The following FOXP1 variants were observed in gnomAD, a reference collection of about 807,000 sequenced individuals.
The protein encoded by FOXP1 is forkhead box P1.
In FOXP1, 15 loss-of-function variants were observed where a neutral mutation model predicts 98.2. The ratio of observed to expected loss-of-function variants is 0.15; its 90% CI spans 0.10 to 0.24. The LOEUF is 0.24. Among genes scored for constraint, FOXP1 ranks in the 10% least tolerant of loss-of-function variants. FOXP1 has a pLI of 1.00. For synonymous variants in FOXP1, 371 were observed against 314.5 expected (o/e 1.18, Z -1.90); for missense variants, 633 against 848.5 (o/e 0.75, Z 3.15).
chr3:71,098,844 A>G (rs1239395431), intron 7 of FOXP1, among the ~76,000 whole-genome samples: 1 of 152,238 alleles, frequency 6.6e-6, no homozygotes, highest in Non-Finnish European at 1.5e-5. Context: ...TTAGAAGACC[A>G]TGACCCTTAT....
At chr3:71,029,038 C>T (rs996467178) in intron 11 of FOXP1, among the ~76,000 whole-genome samples, 56 of 152,190 alleles carry the variant, frequency 3.7e-4, no homozygotes, top group African/African-American at 1.2e-3. Flanking sequence ...CACCTCCTGC[C>T]GTGTGCCCTA....
chr3:71,460,384 C>T lies in FOXP1; in HGVS notation c.-168+33042G>A, dbSNP rs140114194. On this transcript the variant is annotated intron_variant, in intron 3 of 20. Transcript: ENST00000649528. ...CCTCTCGAGTAGCTGGTGACACAGC[C>T]ACCTACCACCATGCCCCGCTAATTT... is the stretch of plus-strand genomic sequence containing the variant. Among the ~76,000 whole-genome samples, 964 of 151,858 alleles carry T rather than the reference C, an allele frequency of 6.3e-3. 10 individuals are homozygous for T. The highest frequency in any genetic ancestry group is 0.022 in the African/African-American group (921 of 41,410).
chr3:71,219,896 A>G (rs1576439039), intron 5 of FOXP1, among the ~76,000 whole-genome samples: 1 of 151,654 alleles, frequency 6.6e-6, no homozygotes, highest in Non-Finnish European at 1.5e-5. Flanking sequence ...CACCCTATCT[A>G]TCTACACTGT....
intron 17 of FOXP1, among the ~76,000 whole-genome samples, chr3:70,975,648 G>C (rs1052432529): frequency 6.6e-6 from 1 of 152,202 alleles, no homozygotes; most frequent in Non-Finnish European, 1.5e-5. Context: ...TTAATGGCAT[G>C]TAAAAATAGC....
chr3:70,977,151 GA>G lies in FOXP1; in HGVS notation c.1429-110del, dbSNP rs1559617442. ...ACTGTGATTCAGAGCTAAATCCTGA[GA>G]AAGGTTTTACAAAATGATCTAAGAT... is the stretch of plus-strand genomic sequence containing the variant. On this transcript the variant is annotated intron_variant, in intron 16 of 20. Transcript: ENST00000649528. 3.3e-5 allele frequency: 26 copies of G among 785,078 alleles called. 1 individual carries two copies. The highest frequency in any genetic ancestry group is 1.0e-4 in the East Asian group (4 of 39,994). The allele number at this position is 785,078 out of a possible 1,614,324, so 48.6% of individuals were successfully genotyped here. A position where few individuals can be genotyped will look rare whatever the true frequency, so the allele number is the denominator to read the frequency against.
rs1309563503 is a variant in FOXP1 at position 70,957,027 on chromosome 3, T to G, written c.*2220A>C. On this transcript the variant is annotated 3_prime_UTR_variant, in exon 21 of 21. Coordinates refer to ENST00000649528, the MANE Select transcript of FOXP1 (RefSeq NM_001349338.3). ...GCACAGTTCTTAAACAAAAGTGGCA[T>G]ACAATCTAAAAATATCTCTTTTTCT... The G allele has an allele frequency of 4.5e-6, 1 of 222,318 alleles. No individual in the cohort carries two copies. Among genetic ancestry groups the G allele is most frequent in the East Asian group, 6.6e-5 (1 of 15,086 alleles). The allele number at this position is 222,318 out of a possible 1,614,324, so 13.8% of individuals were successfully genotyped here.
chr3:71,354,334 T>C (rs950534451), intron 4 of FOXP1, among the ~76,000 whole-genome samples: 8 of 151,730 alleles, frequency 5.3e-5, no homozygotes, highest in African/African-American at 1.7e-4. Context: ...ATGCCCTCTA[T>C]TGCAAGGCAG....
intron 2 of FOXP1, among the ~76,000 whole-genome samples, chr3:71,506,659 A>G (rs2041845721): frequency 6.6e-6 from 1 of 152,068 alleles, no homozygotes; most frequent in South Asian, 2.1e-4. Flanking sequence ...GAAGCTGAAC[A>G]ACTGGGGGAA....
At chr3:71,218,027 C>T (rs1185350317) in intron 5 of FOXP1, among the ~76,000 whole-genome samples, 1 of 152,178 alleles carries the variant, frequency 6.6e-6, no homozygotes, top group Non-Finnish European at 1.5e-5. Flanking sequence ...TCGCTTCTGC[C>T]TCACCTCTTT....
intron 3 of FOXP1, among the ~76,000 whole-genome samples, chr3:71,436,293 G>A (rs532395388): frequency 3.3e-5 from 5 of 152,104 alleles, no homozygotes; most frequent in African/African-American, 4.8e-5. Flanking sequence ...ACATTACTAC[G>A]CTAAAACCTG....
intron 2 of FOXP1, among the ~76,000 whole-genome samples, chr3:71,560,224 A>G (rs2046433611): frequency 6.6e-6 from 1 of 152,208 alleles, no homozygotes; most frequent in African/African-American, 2.4e-5. Flanking sequence ...CATTATTGTC[A>G]CCACCACTGT....
chr3:71,059,844 G>C (rs909836140), intron 7 of FOXP1, among the ~76,000 whole-genome samples: 2 of 152,060 alleles, frequency 1.3e-5, no homozygotes, highest in African/African-American at 4.8e-5. Context: ...AAGAGGCCTT[G>C]GCTAAATAAG....
intron 7 of FOXP1, among the ~76,000 whole-genome samples, chr3:71,060,904 A>C (rs943101573): frequency 6.6e-6 from 1 of 152,180 alleles, no homozygotes; most frequent in Non-Finnish European, 1.5e-5. Flanking sequence ...AAAATGAGGC[A>C]CAATGTATGT....
intron 12 of FOXP1, among the ~76,000 whole-genome samples, chr3:71,002,156 C>T (rs2042199979): frequency 1.3e-5 from 2 of 152,140 alleles, no homozygotes; most frequent in South Asian, 4.1e-4. Flanking sequence ...AAATGTTCAC[C>T]TCTGGTACTT....
At chr3:71,381,237 G>A (rs1203587306) in intron 3 of FOXP1, among the ~76,000 whole-genome samples, 3 of 147,228 alleles carry the variant, frequency 2.0e-5, no homozygotes, top group Non-Finnish European at 4.5e-5. Context: ...TGCAAGCTCC[G>A]CCTCCCGGGT....
At chr3:71,301,449 C>T (rs2073839717) in intron 4 of FOXP1, among the ~76,000 whole-genome samples, 1 of 152,176 alleles carries the variant, frequency 6.6e-6, no homozygotes, top group African/African-American at 2.4e-5. Flanking sequence ...GAAATTTCTA[C>T]ATCTACCACT....
chr3:71,258,829 C>T (rs890833168), intron 5 of FOXP1, among the ~76,000 whole-genome samples: 1 of 152,116 alleles, frequency 6.6e-6, no homozygotes, highest in Non-Finnish European at 1.5e-5. Flanking sequence ...CGCAGAGAAA[C>T]CTTTGACAGT....
At chr3:70,977,525 A>G in intron 16 of FOXP1, 118 bp downstream of exon 16, 4 of 819,338 alleles carry the variant, frequency 4.9e-6, no homozygotes, top group Non-Finnish European at 6.1e-6. Flanking sequence ...AAAAAACCTT[A>G]TAGAAAAGGT....
At chr3:71,551,082 C>T (rs986427443) in intron 2 of FOXP1, among the ~76,000 whole-genome samples, 2 of 152,176 alleles carry the variant, frequency 1.3e-5, no homozygotes, top group African/African-American at 4.8e-5. Flanking sequence ...TATTTATGCA[C>T]TTCTGAATGA....
Sources: allele counts gnomAD v4.1 joint callset (sites outside exome capture counted in the v4.1 genomes callset), GRCh38; gene constraint gnomAD v4.1.1; transcripts MANE v1.5; gene names NCBI Gene and HGNC (gene_info 2026-07-23, HGNC 2026-07-21).